Variants in ST7 observed in about 807,000 individuals in gnomAD.
ST7 encodes suppressor of tumorigenicity 7 protein.
In ST7, 28 loss-of-function variants were observed where a neutral mutation model predicts 78.7. That is an observed-to-expected ratio of 0.36 (90% CI 0.26 to 0.49). ST7 has a LOEUF of 0.49. Among genes scored for constraint, ST7 ranks in the 20% least tolerant of loss-of-function variants. The pLI is 0.99. For synonymous variants in ST7, 247 were observed against 249.6 expected, an observed-to-expected ratio of 0.99 and a Z score of 0.10; for missense variants, 418 against 696.0, an observed-to-expected ratio of 0.60 and a Z score of 4.49.
intron 7 of ST7, among the ~76,000 whole-genome samples, chr7:117,135,310 A>T (rs1337113212): frequency 1.3e-5 from 2 of 152,070 alleles, no homozygotes; most frequent in Admixed American, 6.6e-5. Flanking sequence ...GATATATGTT[A>T]AGTGCCTGGT....
intron 12 of ST7, among the ~76,000 whole-genome samples, chr7:117,206,173 A>G (rs1791734216): frequency 6.6e-6 from 1 of 152,330 alleles, no homozygotes; most frequent in African/African-American, 2.4e-5. Context: ...AATCTCTTTT[A>G]TAGTCATAGC....
intron 12 of ST7, among the ~76,000 whole-genome samples, chr7:117,200,709 G>A (rs551323083): frequency 3.3e-5 from 5 of 152,050 alleles, no homozygotes; most frequent in South Asian, 4.2e-4. Flanking sequence ...AGCCCAGTAC[G>A]TATTTAGCTT....
chr7:116,961,642 CCTGA>C (rs1419291925), intron 1 of ST7, among the ~76,000 whole-genome samples: 4 of 150,400 alleles, frequency 2.7e-5, no homozygotes, highest in African/African-American at 9.8e-5. Flanking sequence ...TGGCTCTTGG[CCTGA>C]CTGTTGTTGG....
chr7:117,082,118 A>G (rs574146546), intron 1 of ST7, among the ~76,000 whole-genome samples: 10 of 152,310 alleles, frequency 6.6e-5, no homozygotes, highest in African/African-American at 2.4e-4. Flanking sequence ...CAGATTATCT[A>G]GGATAATCTT....
At chr7:117,047,860 A>G (rs532280854) in intron 1 of ST7, among the ~76,000 whole-genome samples, 1 of 152,290 alleles carries the variant, frequency 6.6e-6, no homozygotes, top group East Asian at 1.9e-4. Context: ...TATGTTGTGC[A>G]CTATTAATAT....
chr7:117,224,777 G>T (rs2116211603), intron 15 of ST7, among the ~76,000 whole-genome samples: 1 of 152,264 alleles, frequency 6.6e-6, no homozygotes, highest in African/African-American at 2.4e-5. Flanking sequence ...TTCTGAGGAT[G>T]GAGATTGATG....
chr7:116,980,773 A>G lies in ST7; in HGVS notation c.151+27082A>G, dbSNP rs552021829. ...TTATCACTTTGAAATACTTTAGTGT[A>G]TATTTCATACAAACAAAGATGTTCT... is the stretch of plus-strand genomic sequence containing the variant. On this transcript the variant is annotated intron_variant, in intron 1 of 15. Transcript: ENST00000323984. 1.7e-4 allele frequency among the ~76,000 whole-genome samples: 26 copies of G among 152,372 alleles called. No homozygotes were observed. In the South Asian group the frequency reaches 5.4e-3, roughly 32 times the overall value.
Position 117,169,035 on chromosome 7 carries a change from C to T in ST7, c.964-1827C>T, listed in dbSNP as rs955572340. On this transcript the variant is annotated intron_variant, in intron 9 of 15. Coordinates refer to ENST00000323984, the MANE Select transcript of ST7 (RefSeq NM_001369598.1). ...ATCTGTGATTCTGCTCTATAAAGAA[C>T]CTGGTTACCTTTCTTTTAAGATAAG... is the stretch of plus-strand genomic sequence containing the variant. Among the ~76,000 whole-genome samples, 20 of 152,176 alleles carry T rather than the reference C, an allele frequency of 1.3e-4. 1 individual carries two copies. Among genetic ancestry groups the T allele is most frequent in the African/African-American group, 4.8e-4 (20 of 41,518 alleles).
At chr7:116,960,402 T>C (rs1585044475) in intron 1 of ST7, among the ~76,000 whole-genome samples, 1 of 152,276 alleles carries the variant, frequency 6.6e-6, no homozygotes, top group African/African-American at 2.4e-5. Context: ...TTGTCCAGAC[T>C]GGTCTCAAAC....
At chr7:117,027,447 A>G (rs1214101048) in intron 1 of ST7, among the ~76,000 whole-genome samples, 1 of 13,850 alleles carries the variant, frequency 7.2e-5, no homozygotes, top group African/African-American at 2.0e-4. Context: ...CTCAAAAGTG[A>G]AAAGTAAAGT....
chr7:117,229,391 C>T (rs1793646912), intron 15 of ST7, among the ~76,000 whole-genome samples: 1 of 152,342 alleles, frequency 6.6e-6, no homozygotes, highest in Middle Eastern at 3.4e-3. Context: ...TCTAAGTTGT[C>T]ACCATTTTTT....
chr7:116,962,736 G>A (rs1792896063), intron 1 of ST7, among the ~76,000 whole-genome samples: 1 of 152,172 alleles, frequency 6.6e-6, no homozygotes. Context: ...TCTGTAGGTT[G>A]CCTGTTCACT....
intron 14 of ST7, among the ~76,000 whole-genome samples, chr7:117,221,620 A>T (rs1398708638): frequency 6.6e-6 from 1 of 152,112 alleles, no homozygotes. Context: ...TTTGAGAAAA[A>T]AATACTATAC....
chr7:116,956,652 T>C (rs1242279424), intron 1 of ST7: 1 of 471,080 alleles, frequency 2.1e-6, no homozygotes, highest in African/African-American at 2.0e-5. Flanking sequence ...CATTCTTGGA[T>C]ATCTGCTTGG....
chr7:117,151,292 T>C (rs1046953837), intron 9 of ST7, among the ~76,000 whole-genome samples: 2 of 152,230 alleles, frequency 1.3e-5, no homozygotes, highest in African/African-American at 4.8e-5. Flanking sequence ...CTGCCTACTC[T>C]TCTGAACTCA....
chr7:117,074,328 T>C (rs745788295), intron 1 of ST7, among the ~76,000 whole-genome samples: 36 of 152,034 alleles, frequency 2.4e-4, no homozygotes, highest in Non-Finnish European at 4.3e-4. Context: ...GAGGCGGAGG[T>C]TGCAGTAAGC....
intron 1 of ST7, among the ~76,000 whole-genome samples, chr7:117,047,100 T>C (rs1438364316): frequency 6.6e-6 from 1 of 152,194 alleles, no homozygotes; most frequent in Admixed American, 6.6e-5. Context: ...CTAAATTGCA[T>C]TGGATACATT....
intron 1 of ST7, 126 bp downstream of exon 1, chr7:116,953,817 C>A: frequency 1.8e-6 from 1 of 565,504 alleles, no homozygotes; most frequent in Non-Finnish European, 2.3e-6. Flanking sequence ...ACCGGAGGCC[C>A]GCGGCTACCC....
chr7:117,067,044 T>C (rs1310084759), intron 1 of ST7, among the ~76,000 whole-genome samples: 3 of 152,156 alleles, frequency 2.0e-5, no homozygotes, highest in Non-Finnish European at 4.4e-5. Flanking sequence ...GCCTAATGTT[T>C]TCAAGGTCCA....
Sources: gnomAD v4.1 joint callset for allele counts (sites outside exome capture counted in the v4.1 genomes callset) on GRCh38, gnomAD v4.1.1 for gene constraint, MANE v1.5 for transcripts, NCBI Gene and HGNC (gene_info 2026-07-23, HGNC 2026-07-21) for gene names.